NBPF10: variants seen among roughly 807,000 people sequenced by gnomAD.
The protein encoded by NBPF10 is NBPF family member NBPF10.
Under a neutral mutation model 77.9 loss-of-function variants are expected in NBPF10, and 63 were observed. The observed-to-expected ratio is 0.81, with a 90% CI of 0.66 to 1.00. The LOEUF (loss-of-function observed/expected upper bound fraction) is 1.00. Among genes scored for constraint, NBPF10 ranks in the 50% least tolerant of loss-of-function variants. The pLI is 0.00. For synonymous variants in NBPF10, 146 were observed against 264.5 expected, an observed-to-expected ratio of 0.55 and a Z score of 4.35; for missense variants, 522 against 679.8, an observed-to-expected ratio of 0.77 and a Z score of 2.58.
intron 13 of NBPF10, 124 bp from the exon 14 acceptor site, chr1:146,126,532 G>T (rs1210490864): frequency 5.7e-6 from 4 of 706,404 alleles, no homozygotes; most frequent in East Asian, 2.7e-5. Context: ...CATTAATGAG[G>T]TAACAAATTA....
At position 146,142,614 on chromosome 1, in the gene NBPF10, C is replaced by T. The variant is rs782358079; in HGVS notation, c.278+36G>A. On this transcript the variant is annotated intron_variant, in intron 2 of 89. Coordinates refer to ENST00000583866, the Ensembl canonical transcript of NBPF10. ...CTGCTGTACTTCAGAGATCTACACA[C>T]CTACCCGCCTGCCTCCCCCTATGGG... 7 of 1,151,462 alleles carry T rather than the reference C, an allele frequency of 6.1e-6. 1 individual carries two copies. The highest frequency in any genetic ancestry group is 5.6e-5 in the Admixed American group (3 of 53,498). 71.3% of individuals were successfully genotyped at this position (1,151,462 alleles called of 1,614,324 possible). A position where few individuals can be genotyped will look rare whatever the true frequency, so the allele number is the denominator to read the frequency against.
chr1:146,139,250 C>A (rs1660035739), intron 5 of NBPF10, among the ~76,000 whole-genome samples: 2 of 149,942 alleles, frequency 1.3e-5, no homozygotes, highest in Non-Finnish European at 3.0e-5. Context: ...CAGGCGCCCA[C>A]CACCACGCCC....
At position 146,140,312 on chromosome 1, in the gene NBPF10, CAT is replaced by C. The variant is rs1200359846; in HGVS notation, c.566+170_566+171del. On this transcript the variant is annotated intron_variant, in intron 4 of 89. Coordinates refer to ENST00000583866, the Ensembl canonical transcript of NBPF10. The stretch of plus-strand genomic sequence containing the variant: ...TGGTACAGACATGACACTTGGCACA[CAT>C]AGAGAAACACGACAGCTGCCGCACC... 2.0e-4 allele frequency among the ~76,000 whole-genome samples: 25 copies of C among 127,390 alleles called. 3 individuals carry two copies. Among genetic ancestry groups the C allele is most frequent in the African/African-American group, 5.1e-4 (20 of 38,988 alleles). 83.6% of individuals were successfully genotyped at this position (127,390 alleles called of 152,430 possible).
intron 6 of NBPF10, 22 bp from the exon 7 acceptor site, chr1:146,136,477 T>C: frequency 6.2e-7 from 1 of 1,611,658 alleles, no homozygotes; most frequent in Non-Finnish European, 8.5e-7. Context: ...CAGACACACC[T>C]GCCTCAGTGG....
At chr1:146,136,280 C>T in intron 7 of NBPF10, 73 bp downstream of exon 7, 3 of 896,358 alleles carry the variant, frequency 3.3e-6, no homozygotes, top group East Asian at 4.9e-5. Context: ...GCTCTTACGT[C>T]TCCCCACCGA....
At chr1:146,129,797 G>T (rs2102186592) in intron 11 of NBPF10, among the ~76,000 whole-genome samples, 1 of 60,246 alleles carries the variant, frequency 1.7e-5, no homozygotes, top group South Asian at 4.6e-4. Flanking sequence ...CAGATCTCTT[G>T]GCACAAACCC....
intron 3 of NBPF10, 140 bp downstream of exon 3, chr1:146,141,463 AG>A: frequency 2.0e-6 from 1 of 504,982 alleles, no homozygotes; most frequent in Non-Finnish European, 3.5e-6. Context: ...GTTCTTACCC[AG>A]GAAGTCCTGA....
intron 3 of NBPF10, among the ~76,000 whole-genome samples, 158 bp from the exon 4 acceptor site, chr1:146,140,714 C>CT (rs2102227840): frequency 8.8e-6 from 1 of 113,758 alleles, no homozygotes; most frequent in Non-Finnish European, 2.0e-5. Context: ...GCATGGTTTC[C>CT]TGCTCCATCG....
rs1214868177 is a variant in NBPF10, at chr1:146,067,606, A to C, written c.11036-318T>G. On this transcript the variant is annotated intron_variant, in intron 88 of 89. Coordinates refer to ENST00000583866, the Ensembl canonical transcript of NBPF10. ...ACCCTCAATGATTTCTAGGAGAAAAACTGCAATATTTAGCCCTGTCTCATC... is the reference window on the plus strand; with the variant it reads ...ACCCTCAATGATTTCTAGGAGAAAACCTGCAATATTTAGCCCTGTCTCATC... Among the ~76,000 whole-genome samples the C allele has an allele frequency of 2.7e-5, 4 of 150,570 alleles. No individual in the cohort carries two copies. In the East Asian group the frequency reaches 7.9e-4, roughly 30 times the overall value.
At chr1:146,139,300 G>A (rs1316332311) in intron 5 of NBPF10, among the ~76,000 whole-genome samples, 5 of 150,834 alleles carry the variant, frequency 3.3e-5, no homozygotes, top group South Asian at 2.1e-4. Flanking sequence ...TAGTAAAGAC[G>A]GGGTTTCACC....
intron 14 of NBPF10, among the ~76,000 whole-genome samples, 165 bp downstream of exon 14, chr1:146,126,071 C>G (rs1216489507): frequency 6.6e-6 from 1 of 151,638 alleles, no homozygotes. Context: ...CATCCCTTGT[C>G]TGGGCTTCCA....
chr1:146,125,904 A>G (rs1266871087), intron 14 of NBPF10, among the ~76,000 whole-genome samples: 1 of 151,508 alleles, frequency 6.6e-6, no homozygotes, highest in East Asian at 1.9e-4. Context: ...AGACGCTGAA[A>G]TTAGAGTAAA....
intron 2 of NBPF10, 92 bp from the exon 3 acceptor site, chr1:146,141,910 A>C: frequency 8.9e-7 from 1 of 1,120,274 alleles, no homozygotes; most frequent in Non-Finnish European, 1.3e-6. Context: ...CAATGTCGTC[A>C]AGGAGACCTC....
intron 9 of NBPF10, among the ~76,000 whole-genome samples, chr1:146,133,963 C>A (rs1269622297): frequency 6.7e-6 from 1 of 148,508 alleles, no homozygotes; most frequent in African/African-American, 2.5e-5. Context: ...CAGATAGGAG[C>A]TGAGGAGGAT....
chr1:146,139,503 C>G (rs1315163689), intron 5 of NBPF10, among the ~76,000 whole-genome samples: 2 of 146,568 alleles, frequency 1.4e-5, no homozygotes, highest in African/African-American at 4.9e-5. Flanking sequence ...TCAGCCCATC[C>G]TCCCACCTAA....
chr1:146,126,658 A>G (rs1260606645), intron 13 of NBPF10, among the ~76,000 whole-genome samples: 20 of 144,784 alleles, frequency 1.4e-4, no homozygotes, highest in African/African-American at 4.8e-4. Flanking sequence ...TCAATTGGTC[A>G]GGTGACACAC....
chr1:146,125,633 T>C, intron 14 of NBPF10, 117 bp from the exon 15 acceptor site: 4 of 523,022 alleles, frequency 7.6e-6, no homozygotes, highest in Non-Finnish European at 1.4e-5. Context: ...AATAGGACAC[T>C]GTGAGAGATA....
At chr1:146,083,244 A>T in intron 68 of NBPF10, among the ~76,000 whole-genome samples, 1 of 15,530 alleles carries the variant, frequency 6.4e-5, no homozygotes, top group East Asian at 1.9e-3. Flanking sequence ...CGTTTTCCCA[A>T]TATCATTTGT....
intron 17 of NBPF10, among the ~76,000 whole-genome samples, chr1:146,123,507 C>G (rs1225459411): frequency 1.2e-4 from 12 of 103,710 alleles, no homozygotes; most frequent in Non-Finnish European, 2.1e-4. Flanking sequence ...CACACACACA[C>G]ACACACACAC....
Sources: allele counts gnomAD v4.1 joint callset (sites outside exome capture counted in the v4.1 genomes callset), GRCh38; gene constraint gnomAD v4.1.1; transcripts MANE v1.5; gene names NCBI Gene and HGNC (gene_info 2026-07-23, HGNC 2026-07-21).